Variants in NCKAP5 observed in about 807,000 individuals in gnomAD.
NCKAP5 encodes the protein NCK associated protein 5.
Under a neutral mutation model 167.0 loss-of-function variants are expected in NCKAP5, and 92 were observed. The observed-to-expected ratio is 0.55, with a 90% confidence interval of 0.47 to 0.66. The LOEUF (loss-of-function observed/expected upper bound fraction) is 0.66. Among genes scored for constraint, NCKAP5 ranks in the 30% least tolerant of loss-of-function variants. NCKAP5 has a pLI of 0.00. For missense variants in NCKAP5, 2,378 were observed against 2,315.0 expected (o/e 1.03, Z -0.56); for synonymous variants, 891 against 877.4 (o/e 1.02, Z -0.27).
At chr2:132,755,655 C>A (rs113046022) in intron 16 of NCKAP5, among the ~76,000 whole-genome samples, 127 of 151,702 alleles carry the variant, frequency 8.4e-4, no homozygotes, top group African/African-American at 3.0e-3. Context: ...ATGGTGAAAC[C>A]CCGTCTCAAC....
chr2:133,638,128 T>C, the NCKAP5 span, among the ~76,000 whole-genome samples: 2 of 152,172 alleles, frequency 1.3e-5, no homozygotes, highest in Admixed American at 6.6e-5. Flanking sequence ...GTCAAGGAGG[T>C]ATATTTTCTG....
chr2:133,582,792 T>C, the NCKAP5 span, among the ~76,000 whole-genome samples: 6 of 152,388 alleles, frequency 3.9e-5, no homozygotes, highest in Admixed American at 3.9e-4. Context: ...CCAGTCAACC[T>C]GATATAAAAT....
intron 16 of NCKAP5, among the ~76,000 whole-genome samples, chr2:132,768,767 G>T (rs1681753305): frequency 6.6e-6 from 1 of 150,668 alleles, no homozygotes; most frequent in African/African-American, 2.4e-5. Context: ...AGCCTCCCGA[G>T]TAGCTGGGAC....
chr2:133,618,916 C>A, the NCKAP5 span, among the ~76,000 whole-genome samples: 7 of 145,694 alleles, frequency 4.8e-5, no homozygotes, highest in Non-Finnish European at 1.1e-4. Context: ...AAATGTCCAA[C>A]AATGATAGAC....
At chr2:132,935,890 G>A (rs1250044093) in intron 8 of NCKAP5, among the ~76,000 whole-genome samples, 2 of 152,128 alleles carry the variant, frequency 1.3e-5, no homozygotes, top group Non-Finnish European at 2.9e-5. Flanking sequence ...TGAAGTTTAA[G>A]TCTGGGGACA....
chr2:133,331,084 G>C (rs1387536117), intron 3 of NCKAP5, among the ~76,000 whole-genome samples: 1 of 152,124 alleles, frequency 6.6e-6, no homozygotes, highest in Non-Finnish European at 1.5e-5. Flanking sequence ...GAGTGTATGT[G>C]TAGTTTTAGG....
At chr2:132,994,053 C>T in intron 7 of NCKAP5, 99 bp downstream of exon 7, 1 of 825,058 alleles carries the variant, frequency 1.2e-6, no homozygotes, top group African/African-American at 1.8e-5. Flanking sequence ...GTCTGGAACA[C>T]ACCTTTTATT....
At chr2:133,484,776 T>A (rs1177858587) in intron 3 of NCKAP5, among the ~76,000 whole-genome samples, 1 of 152,010 alleles carries the variant, frequency 6.6e-6, no homozygotes, top group Non-Finnish European at 1.5e-5. Context: ...TCCCAAGATA[T>A]CTCATGATGT....
intron 8 of NCKAP5, among the ~76,000 whole-genome samples, chr2:132,914,870 C>T (rs552965705): frequency 1.3e-5 from 2 of 151,648 alleles, no homozygotes; most frequent in East Asian, 3.9e-4. Context: ...TGGCTTCATC[C>T]TTAGAGCAAC....
intron 3 of NCKAP5, among the ~76,000 whole-genome samples, chr2:133,366,354 G>A (rs1406514740): frequency 6.6e-6 from 1 of 152,204 alleles, no homozygotes; most frequent in African/African-American, 2.4e-5. Context: ...CCAGGCTGCA[G>A]TGCAGTGGTG....
chr2:133,580,365 T>G, the NCKAP5 span, among the ~76,000 whole-genome samples: 5 of 152,210 alleles, frequency 3.3e-5, no homozygotes, highest in African/African-American at 1.2e-4. Context: ...ACCTCTGGTT[T>G]CTCTGAGCTC....
At chr2:133,118,735 T>C (rs2082160550) in intron 6 of NCKAP5, 1 of 152,142 alleles carries the variant, frequency 6.6e-6, no homozygotes, top group African/African-American at 2.4e-5. Flanking sequence ...TAAACACATA[T>C]TGTCCAAGCC....
At chr2:132,775,006 G>A (rs1039548356) in intron 15 of NCKAP5, among the ~76,000 whole-genome samples, 5 of 152,076 alleles carry the variant, frequency 3.3e-5, no homozygotes, top group Non-Finnish European at 5.9e-5. Flanking sequence ...CTTGGACTCA[G>A]TATCAAGACA....
chr2:133,156,442 G>A (rs187413559), intron 5 of NCKAP5, among the ~76,000 whole-genome samples: 63 of 152,192 alleles, frequency 4.1e-4, no homozygotes, highest in Middle Eastern at 3.4e-3. Context: ...GGCATCTCCA[G>A]GTAGCCCAAA....
At chr2:132,886,569 C>T (rs546887631) in intron 8 of NCKAP5, among the ~76,000 whole-genome samples, 6 of 152,300 alleles carry the variant, frequency 3.9e-5, no homozygotes, top group East Asian at 3.9e-4. Context: ...TTCTCTTTAG[C>T]GTCCTCTCAT....
intron 3 of NCKAP5, among the ~76,000 whole-genome samples, chr2:133,475,305 C>T (rs1033558818): frequency 2.0e-5 from 3 of 152,196 alleles, no homozygotes; most frequent in Non-Finnish European, 4.4e-5. Context: ...ACAGCATTCC[C>T]GATGTCTGCC....
chr2:133,469,075 C>T (rs1013293902), intron 3 of NCKAP5, among the ~76,000 whole-genome samples: 1 of 151,210 alleles, frequency 6.6e-6, no homozygotes, highest in African/African-American at 2.4e-5. Context: ...GGTGATTTTG[C>T]TCATTAGTTG....
At chr2:133,336,903 A>G (rs1364616486) in intron 3 of NCKAP5, among the ~76,000 whole-genome samples, 1 of 152,158 alleles carries the variant, frequency 6.6e-6, no homozygotes, top group African/African-American at 2.4e-5. Context: ...TGCCACAGGA[A>G]CAGAAGGGGC....
intron 3 of NCKAP5, among the ~76,000 whole-genome samples, chr2:133,425,528 G>A (rs1198201579): frequency 2.6e-5 from 4 of 152,034 alleles, no homozygotes; most frequent in Non-Finnish European, 5.9e-5. Flanking sequence ...TGGCAAAAGG[G>A]AAAAAGAGGG....
Sources: allele counts gnomAD v4.1 joint callset (sites outside exome capture counted in the v4.1 genomes callset), GRCh38; gene constraint gnomAD v4.1.1; transcripts MANE v1.5; gene names NCBI Gene and HGNC (gene_info 2026-07-23, HGNC 2026-07-21).